Variants in SPOCK1 observed in about 807,000 individuals in gnomAD.
SPOCK1 encodes the protein testican-1.
In SPOCK1, 23 loss-of-function variants were observed where a neutral mutation model predicts 55.3. That is an observed-to-expected ratio of 0.42 (90% CI 0.30 to 0.59). SPOCK1 has a LOEUF of 0.59. SPOCK1 is among the 20% of genes least tolerant of loss of function. The probability of loss-of-function intolerance (pLI) is 0.22; values close to 1 mark genes in which losing one functional copy is unlikely to be tolerated. For synonymous variants in SPOCK1, 226 were observed against 221.0 expected, an observed-to-expected ratio of 1.02 and a Z score of -0.20; for missense variants, 499 against 552.5, an observed-to-expected ratio of 0.90 and a Z score of 0.97.
chr5:137,037,312 CTCAT>C (rs1417245567), intron 6 of SPOCK1, among the ~76,000 whole-genome samples: 1 of 150,654 alleles, frequency 6.6e-6, no homozygotes, highest in Non-Finnish European at 1.5e-5. Flanking sequence ...CAATGTAGCC[CTCAT>C]CCCCTGTGCC....
Position 137,301,120 on chromosome 5 carries a change from T to C in SPOCK1, c.187-34065A>G, listed in dbSNP as rs570207289. Among the ~76,000 whole-genome samples, 10 of 152,298 alleles carry C rather than the reference T, an allele frequency of 6.6e-5. No individual in the cohort carries two copies. The East Asian group carries it at 7.7e-4, about 12-fold the overall frequency. On this transcript the variant is annotated intron_variant, in intron 2 of 10. Transcript: ENST00000394945. ...CTTAGTCTCTTTGTCTATGCCTCCA[T>C]TGGAATTAAGAATTCTTTTACAGCC...
At chr5:137,294,287 A>G (rs1373799033) in intron 2 of SPOCK1, among the ~76,000 whole-genome samples, 1 of 152,176 alleles carries the variant, frequency 6.6e-6, no homozygotes, top group African/African-American at 2.4e-5. Flanking sequence ...AACTACAGCA[A>G]TTTCCTATAT....
At chr5:137,109,277 T>C (rs1753421655) in intron 5 of SPOCK1, among the ~76,000 whole-genome samples, 1 of 152,182 alleles carries the variant, frequency 6.6e-6, no homozygotes, top group African/African-American at 2.4e-5. Context: ...AGCTGCTAAG[T>C]CTCTGCCAGA....
At chr5:137,037,312 C>T (rs1442369856) in intron 6 of SPOCK1, among the ~76,000 whole-genome samples, 1 of 150,654 alleles carries the variant, frequency 6.6e-6, no homozygotes, top group Non-Finnish European at 1.5e-5. Flanking sequence ...CAATGTAGCC[C>T]TCATCCCCTG....
chr5:137,287,728 G>A (rs1477784357), intron 2 of SPOCK1, among the ~76,000 whole-genome samples: 1 of 152,146 alleles, frequency 6.6e-6, no homozygotes, highest in African/African-American at 2.4e-5. Context: ...TTTTTATGCT[G>A]TCATTGTAGT....
intron 6 of SPOCK1, among the ~76,000 whole-genome samples, chr5:137,041,403 A>G (rs1303839448): frequency 6.6e-6 from 1 of 152,222 alleles, no homozygotes; most frequent in Non-Finnish European, 1.5e-5. Context: ...AAAAAAATCT[A>G]TGTGATCTTG....
intron 3 of SPOCK1, among the ~76,000 whole-genome samples, chr5:137,216,085 C>G (rs560134695): frequency 2.6e-5 from 4 of 152,200 alleles, no homozygotes; most frequent in African/African-American, 9.6e-5. Flanking sequence ...GACATGAGTT[C>G]TGAAGAGAGT....
At chr5:137,034,765 T>C (rs1346565963) in intron 6 of SPOCK1, among the ~76,000 whole-genome samples, 1 of 151,914 alleles carries the variant, frequency 6.6e-6, no homozygotes, top group Non-Finnish European at 1.5e-5. Context: ...ACAGGAGCCA[T>C]GTGGTGATGA....
At chr5:137,372,477 C>T (rs542575751) in intron 2 of SPOCK1, among the ~76,000 whole-genome samples, 7 of 151,860 alleles carry the variant, frequency 4.6e-5, no homozygotes, top group African/African-American at 1.7e-4. Context: ...GACAAGGCAC[C>T]ATCACTAAAA....
At chr5:137,194,827 C>A (rs1755266675) in intron 3 of SPOCK1, among the ~76,000 whole-genome samples, 1 of 152,168 alleles carries the variant, frequency 6.6e-6, no homozygotes, top group Admixed American at 6.5e-5. Flanking sequence ...CCATAAGCAC[C>A]AGCCCTGAGC....
intron 2 of SPOCK1, among the ~76,000 whole-genome samples, chr5:137,279,266 C>T (rs180721522): frequency 2.0e-5 from 3 of 152,320 alleles, no homozygotes; most frequent in Non-Finnish European, 2.9e-5. Flanking sequence ...CCTCTTGAAA[C>T]CCATGGTCTA....
At chr5:137,493,026 T>C (rs1290325625) in intron 2 of SPOCK1, among the ~76,000 whole-genome samples, 1 of 152,246 alleles carries the variant, frequency 6.6e-6, no homozygotes, top group Non-Finnish European at 1.5e-5. Context: ...CAAATACTTA[T>C]AACCTTAAGT....
chr5:137,209,573 A>C (rs76788230), intron 3 of SPOCK1, among the ~76,000 whole-genome samples: 2,910 of 152,330 alleles, frequency 0.019, 52 homozygotes, highest in Admixed American at 0.028. Flanking sequence ...ACAGATGAGA[A>C]GTCACTGGGT....
At chr5:137,356,873 A>AGAGAGAGAGAGAGAGT (rs796667572) in intron 2 of SPOCK1, among the ~76,000 whole-genome samples, 879 of 69,596 alleles carry the variant, frequency 0.013, 118 homozygotes, top group South Asian at 0.019. Context: ...AGAGAGAGAG[A>AGAGAGAGAGAGAGAGT]GAGTATGCAG....
At chr5:137,032,915 G>C (rs1470525245) in intron 6 of SPOCK1, among the ~76,000 whole-genome samples, 1 of 152,212 alleles carries the variant, frequency 6.6e-6, no homozygotes, top group Non-Finnish European at 1.5e-5. Context: ...TGGTTCACCA[G>C]GTGTAAAGGG....
chr5:137,177,942 G>T (rs540445085), intron 3 of SPOCK1, among the ~76,000 whole-genome samples: 1 of 152,154 alleles, frequency 6.6e-6, no homozygotes, highest in African/African-American at 2.4e-5. Context: ...CTAGGAAAAG[G>T]TGAGGACAAG....
At chr5:137,133,357 G>A (rs1311326429) in intron 4 of SPOCK1, among the ~76,000 whole-genome samples, 1 of 146,176 alleles carries the variant, frequency 6.8e-6, no homozygotes, top group Non-Finnish European at 1.5e-5. Context: ...GTGACAGAGT[G>A]AGACTCCATC....
intron 3 of SPOCK1, among the ~76,000 whole-genome samples, chr5:137,196,476 G>A (rs562661973): frequency 5.9e-5 from 9 of 152,294 alleles, no homozygotes; most frequent in Admixed American, 4.6e-4. Flanking sequence ...CTTACTCTCT[G>A]CAAGTGGTCT....
intron 2 of SPOCK1, among the ~76,000 whole-genome samples, chr5:137,473,392 G>A (rs1441349054): frequency 6.6e-6 from 1 of 152,154 alleles, no homozygotes; most frequent in Non-Finnish European, 1.5e-5. Flanking sequence ...ACATGAGAGA[G>A]TAGGAAACAA....
Sources: allele counts gnomAD v4.1 joint callset (sites outside exome capture counted in the v4.1 genomes callset), GRCh38; gene constraint gnomAD v4.1.1; transcripts MANE v1.5; gene names NCBI Gene and HGNC (gene_info 2026-07-23, HGNC 2026-07-21).